The following NAA25 variants were observed in gnomAD, a reference collection of about 807,000 sequenced individuals.
NAA25 encodes N-terminal acetyltransferase B complex subunit NAA25.
In NAA25, 30 loss-of-function variants were observed where a neutral mutation model predicts 132.5. The ratio of observed to expected loss-of-function variants is 0.23; its 90% CI spans 0.17 to 0.31. NAA25 has a LOEUF of 0.31. NAA25 is among the 10% of genes least tolerant of loss of function. The probability of loss-of-function intolerance (pLI) is 1.00; values close to 1 mark genes in which losing one functional copy is unlikely to be tolerated. For missense variants in NAA25, 771 were observed against 1,150.4 expected, an observed-to-expected ratio of 0.67 and a Z score of 4.77; for synonymous variants, 359 against 401.9, an observed-to-expected ratio of 0.89 and a Z score of 1.28.
At position 112,042,199 on chromosome 12, in the gene NAA25, G is replaced by A. The variant is rs572498653; in HGVS notation, c.2375-95C>T. ...TACCTGCAAGAAGTTCATGGGCAAG[G>A]ACATTTTCTTCTCTCTACAGACCCT... On this transcript the variant is annotated intron_variant, in intron 19 of 23. Coordinates refer to ENST00000261745, the MANE Select transcript of NAA25 (RefSeq NM_024953.4). The A allele has an allele frequency of 1.2e-3, 652 of 542,250 alleles. 8 individuals are homozygous for A. Among genetic ancestry groups the A allele is most frequent in the Middle Eastern group, 4.4e-3 (9 of 2,056 alleles). 33.6% of individuals were successfully genotyped at this position (542,250 alleles called of 1,614,324 possible).
intron 10 of NAA25, among the ~76,000 whole-genome samples, chr12:112,069,364 C>T (rs1347329495): frequency 6.6e-6 from 1 of 151,860 alleles, no homozygotes; most frequent in Admixed American, 6.6e-5. Context: ...ATTAGCTGGG[C>T]GTGGCAGCAC....
intron 4 of NAA25, among the ~76,000 whole-genome samples, chr12:112,082,377 C>T (rs2078985270): frequency 6.6e-6 from 1 of 152,048 alleles, no homozygotes; most frequent in Non-Finnish European, 1.5e-5. Flanking sequence ...TGAGACCAGC[C>T]TGGGCAACAT....
chr12:112,089,265 A>G (rs533483934), intron 3 of NAA25, among the ~76,000 whole-genome samples: 11 of 152,350 alleles, frequency 7.2e-5, no homozygotes, highest in African/African-American at 2.6e-4. Flanking sequence ...TTAAGGTTAC[A>G]AATACCAAAT....
At chr12:112,099,744 T>C (rs1367278895) in intron 1 of NAA25, among the ~76,000 whole-genome samples, 1 of 152,196 alleles carries the variant, frequency 6.6e-6, no homozygotes, top group East Asian at 1.9e-4. Flanking sequence ...TGGGATTTGT[T>C]CATCCAATCT....
At chr12:112,042,255 G>T (rs542109507) in intron 19 of NAA25, 151 bp from the exon 20 acceptor site, 1 of 367,246 alleles carries the variant, frequency 2.7e-6, no homozygotes, top group Non-Finnish European at 4.8e-6. Flanking sequence ...GAGACAAAAA[G>T]AAAATGATAA....
At chr12:112,069,575 C>T (rs530583097) in intron 10 of NAA25, among the ~76,000 whole-genome samples, 4 of 151,712 alleles carry the variant, frequency 2.6e-5, no homozygotes, top group African/African-American at 9.7e-5. Flanking sequence ...AATCCCAGCA[C>T]TTTGGGAGGC....
intron 17 of NAA25, among the ~76,000 whole-genome samples, chr12:112,046,335 T>G (rs2078381150): frequency 6.6e-6 from 1 of 152,228 alleles, no homozygotes; most frequent in Admixed American, 6.5e-5. Context: ...GAGAAAGCAC[T>G]GGAAGTCTGA....
chr12:112,035,822 C>T (rs1031006409), intron 22 of NAA25, among the ~76,000 whole-genome samples: 4 of 151,850 alleles, frequency 2.6e-5, no homozygotes, highest in African/African-American at 9.7e-5. Context: ...AGACTGACTA[C>T]GGGCATGTGC....
intron 23 of NAA25, among the ~76,000 whole-genome samples, chr12:112,031,310 A>G (rs1475403593): frequency 2.0e-5 from 3 of 152,218 alleles, no homozygotes; most frequent in Non-Finnish European, 4.4e-5. Context: ...AACTGAATTG[A>G]AGAGATTTTT....
At position 112,108,767 on chromosome 12, in the gene NAA25, T is replaced by C; in HGVS notation, c.7A>G (p.Thr3Ala). The change falls in exon 1 of 24, where the codon ACG (threonine) becomes GCG (alanine). Residue 3 changes from threonine (T) to alanine (A), a missense_variant. Transcript: ENST00000261745. MA[T>A]RGHVQDPNDR... ...TTAGGGTCCTGCACATGGCCCCGCG[T>C]CGCCATGATGACAAGCGCAGAACCA... 1 of 1,522,008 alleles carries C rather than the reference T, an allele frequency of 6.6e-7. No individual in the cohort carries two copies. The highest frequency in any genetic ancestry group is 2.7e-5 in the East Asian group (1 of 37,714). The allele number at this position is 1,522,008 out of a possible 1,614,324, so 94.3% of individuals were successfully genotyped here.
intron 4 of NAA25, among the ~76,000 whole-genome samples, chr12:112,085,601 ACTT>A (rs1007206384): frequency 3.3e-5 from 5 of 152,090 alleles, no homozygotes; most frequent in Admixed American, 2.6e-4. Context: ...ATGAACTATA[ACTT>A]CTTTTACTCT....
chr12:112,045,655 C>T (rs1305646352), intron 17 of NAA25, among the ~76,000 whole-genome samples: 1 of 151,424 alleles, frequency 6.6e-6, no homozygotes, highest in Non-Finnish European at 1.5e-5. Flanking sequence ...ATTAGCCGGG[C>T]GTGGTGGCAG....
chr12:112,066,522 A>G (rs1316620003), intron 11 of NAA25, among the ~76,000 whole-genome samples: 1 of 152,144 alleles, frequency 6.6e-6, no homozygotes, highest in Non-Finnish European at 1.5e-5. Context: ...CCCTCTTCTA[A>G]AGACAGCTTT....
chr12:112,095,769 C>T (rs766129433), intron 1 of NAA25, among the ~76,000 whole-genome samples: 19 of 151,990 alleles, frequency 1.3e-4, no homozygotes, highest in Non-Finnish European at 1.9e-4. Flanking sequence ...ACATGGCATT[C>T]TGGAAAAGGT....
chr12:112,078,311 T>G, intron 6 of NAA25, 45 bp from the exon 7 acceptor site: 2 of 1,358,432 alleles, frequency 1.5e-6, no homozygotes, highest in Non-Finnish European at 2.1e-6. Context: ...AACTTTTCAA[T>G]AATAAAAAGA....
intron 4 of NAA25, among the ~76,000 whole-genome samples, chr12:112,082,285 T>C (rs2078984399): frequency 6.6e-6 from 1 of 151,728 alleles, no homozygotes; most frequent in Non-Finnish European, 1.5e-5. Context: ...ATAAATGTCC[T>C]AGGCCAGCCA....
chr12:112,033,292 TTTCAAG>T lies in NAA25; in HGVS notation c.2731_2736del (p.Leu911_Glu912del). 6.2e-7 allele frequency: 1 copy of T among 1,613,470 alleles called. No homozygotes were observed. The highest frequency in any genetic ancestry group is 8.5e-7 in the Non-Finnish European group (1 of 1,179,774). On this transcript the variant is annotated inframe_deletion, in exon 23 of 24. Transcript: ENST00000261745. ...TCAAGTTTAAGTGCAATTAGATGTG[TTTCAAG>T]CCCTTTAATATGATCCACAACATTG...
chr12:112,029,331 G>C lies in NAA25; in HGVS notation c.*200C>G, dbSNP rs1035021811. On this transcript the variant is annotated 3_prime_UTR_variant, in exon 24 of 24. Coordinates refer to ENST00000261745, the MANE Select transcript of NAA25 (RefSeq NM_024953.4). ...ATAAAAAGTGGTCAAACCCAGATGA[G>C]GGTCCCGCTTCTGGTTTATATACAA... The C allele has an allele frequency of 5.3e-6, 4 of 752,152 alleles. No individual in the cohort carries two copies. Among genetic ancestry groups the C allele is most frequent in the Non-Finnish European group, 8.1e-6 (4 of 494,886 alleles). The allele number at this position is 752,152 out of a possible 1,614,324, so 46.6% of individuals were successfully genotyped here.
intron 4 of NAA25, among the ~76,000 whole-genome samples, chr12:112,086,866 C>A (rs890577559): frequency 1.3e-5 from 2 of 148,212 alleles, no homozygotes; most frequent in Non-Finnish European, 3.0e-5. Flanking sequence ...ACAAAATTAG[C>A]CAGGAGTGGT....
Sources: allele counts gnomAD v4.1 joint callset (sites outside exome capture counted in the v4.1 genomes callset), GRCh38; gene constraint gnomAD v4.1.1; transcripts MANE v1.5; gene names NCBI Gene and HGNC (gene_info 2026-07-23, HGNC 2026-07-21).